Variants in ADAMTSL3 observed in about 807,000 individuals in gnomAD.
ADAMTSL3 encodes ADAMTS-like protein 3.
In ADAMTSL3, 128 loss-of-function variants were observed where a neutral mutation model predicts 201.7. The ratio of observed to expected loss-of-function variants is 0.63; its 90% CI spans 0.55 to 0.73. The LOEUF (loss-of-function observed/expected upper bound fraction) is 0.73. ADAMTSL3 is among the 30% of genes least tolerant of loss of function. The pLI is 0.00. For missense variants in ADAMTSL3, 1,990 were observed against 2,119.6 expected, an observed-to-expected ratio of 0.94 and a Z score of 1.20; for synonymous variants, 738 against 748.4, an observed-to-expected ratio of 0.99 and a Z score of 0.23.
chr15:83,703,749 G>T (rs1006621285), intron 2 of ADAMTSL3, among the ~76,000 whole-genome samples: 1 of 151,942 alleles, frequency 6.6e-6, no homozygotes, highest in Non-Finnish European at 1.5e-5. Flanking sequence ...AACGGACTGG[G>T]GTATGAGCTT....
chr15:83,792,276 G>A (rs185097967), intron 4 of ADAMTSL3, among the ~76,000 whole-genome samples: 1 of 152,154 alleles, frequency 6.6e-6, no homozygotes, highest in East Asian at 1.9e-4. Flanking sequence ...TAAGCCAAAA[G>A]ATATATGAAC....
chr15:84,031,529 C>A, intron 28 of ADAMTSL3, 97 bp downstream of exon 28: 3 of 1,077,316 alleles, frequency 2.8e-6, no homozygotes, highest in African/African-American at 1.6e-5. Flanking sequence ...TAGTTTCTAC[C>A]AACTCTCATA....
At chr15:83,788,155 T>G (rs1466485131) in intron 4 of ADAMTSL3, among the ~76,000 whole-genome samples, 1 of 152,192 alleles carries the variant, frequency 6.6e-6, no homozygotes, top group Non-Finnish European at 1.5e-5. Context: ...TATCACTAAT[T>G]CAGAAAAATG....
At chr15:84,035,707 C>G (rs1218622813) in intron 28 of ADAMTSL3, among the ~76,000 whole-genome samples, 1 of 152,156 alleles carries the variant, frequency 6.6e-6, no homozygotes, top group Admixed American at 6.5e-5. Flanking sequence ...TTTATGTGCC[C>G]TGATAAGGAA....
chr15:83,796,399 G>A (rs886607826), intron 4 of ADAMTSL3, among the ~76,000 whole-genome samples: 3 of 152,052 alleles, frequency 2.0e-5, no homozygotes, highest in Non-Finnish European at 4.4e-5. Flanking sequence ...TAAATAGAAA[G>A]CAAAATTTCA....
chr15:84,026,609 A>G (rs1355246643), intron 27 of ADAMTSL3, among the ~76,000 whole-genome samples: 1 of 152,192 alleles, frequency 6.6e-6, no homozygotes, highest in Admixed American at 6.5e-5. Context: ...ATATAGATCA[A>G]TGAAATTGAA....
intron 23 of ADAMTSL3, among the ~76,000 whole-genome samples, chr15:83,992,929 C>T (rs1054885341): frequency 1.3e-5 from 2 of 152,204 alleles, no homozygotes; most frequent in African/African-American, 4.8e-5. Context: ...TCTCCCCTTC[C>T]TCCCTCACCT....
chr15:83,920,827 G>A (rs1368474570), intron 16 of ADAMTSL3, among the ~76,000 whole-genome samples: 1 of 152,098 alleles, frequency 6.6e-6, no homozygotes. Context: ...GAAATCATCT[G>A]TTTAAAATGT....
chr15:83,937,424 C>G (rs997411972), intron 17 of ADAMTSL3, among the ~76,000 whole-genome samples: 7 of 150,680 alleles, frequency 4.6e-5, no homozygotes, highest in Non-Finnish European at 1.0e-4. Flanking sequence ...AACCAAATAC[C>G]ACGTGTCCTC....
chr15:83,826,449 T>C (rs1422986943), intron 6 of ADAMTSL3, among the ~76,000 whole-genome samples: 1 of 151,864 alleles, frequency 6.6e-6, no homozygotes, highest in Non-Finnish European at 1.5e-5. Context: ...TTTTTTTTTT[T>C]TTAATTTTTA....
rs375431727 is a variant in ADAMTSL3, at chr15:83,942,861, A to G, written c.2311-42A>G. On this transcript the variant is annotated intron_variant, in intron 18 of 29. Coordinates refer to ENST00000286744, the MANE Select transcript of ADAMTSL3 (RefSeq NM_207517.3). ...GAGGCCCTGCACTGCACTAACATAG[A>G]GTGGGCCAAGCCTGCCGCCTCACCC... 3 of 1,606,192 alleles carry G rather than the reference A, an allele frequency of 1.9e-6. No homozygotes were observed. In the African/African-American group the frequency reaches 4.0e-5, roughly 21 times the overall value.
At chr15:84,010,575 G>A (rs1200147285) in intron 23 of ADAMTSL3, among the ~76,000 whole-genome samples, 1 of 152,174 alleles carries the variant, frequency 6.6e-6, no homozygotes, top group African/African-American at 2.4e-5. Flanking sequence ...GATTAATGCA[G>A]TAATAATGCT....
intron 4 of ADAMTSL3, among the ~76,000 whole-genome samples, chr15:83,782,264 G>T (rs1013729316): frequency 6.6e-6 from 1 of 152,052 alleles, no homozygotes; most frequent in South Asian, 2.1e-4. Flanking sequence ...ATCACTTGAG[G>T]TCAGGAGTTC....
intron 8 of ADAMTSL3, among the ~76,000 whole-genome samples, chr15:83,859,926 G>T (rs537640497): frequency 6.6e-6 from 1 of 152,268 alleles, no homozygotes; most frequent in Admixed American, 6.5e-5. Flanking sequence ...TCTTTGAGAG[G>T]CTGTGGCAGG....
chr15:83,880,911 AT>A (rs57378637), intron 9 of ADAMTSL3, among the ~76,000 whole-genome samples: 1 of 150,792 alleles, frequency 6.6e-6, no homozygotes, highest in African/African-American at 2.4e-5. Flanking sequence ...TATAATATCT[AT>A]TTTTTTTCAC....
chr15:83,792,791 C>CA (rs71156100), intron 4 of ADAMTSL3, among the ~76,000 whole-genome samples: 9,010 of 122,294 alleles, frequency 0.074, 321 homozygotes, highest in East Asian at 0.18. Flanking sequence ...GACTCTGTCT[C>CA]AAAAAAAAAA....
At chr15:83,777,734 A>G (rs1464901191) in intron 4 of ADAMTSL3, among the ~76,000 whole-genome samples, 1 of 152,228 alleles carries the variant, frequency 6.6e-6, no homozygotes, top group Non-Finnish European at 1.5e-5. Context: ...ACAGATGACC[A>G]CCTTGCCTCT....
At chr15:83,703,694 T>A (rs1596056590) in intron 2 of ADAMTSL3, among the ~76,000 whole-genome samples, 1 of 152,144 alleles carries the variant, frequency 6.6e-6, no homozygotes, top group East Asian at 1.9e-4. Context: ...CAATTAAACC[T>A]CTTTTTCTTC....
At chr15:83,755,759 A>AT (rs993342178) in intron 3 of ADAMTSL3, among the ~76,000 whole-genome samples, 2,079 of 144,030 alleles carry the variant, frequency 0.014, 30 homozygotes, top group East Asian at 0.063. Flanking sequence ...CCTGCTTTCA[A>AT]TTTTTTTTTT....
Sources: gnomAD v4.1 joint callset for allele counts (sites outside exome capture counted in the v4.1 genomes callset) on GRCh38, gnomAD v4.1.1 for gene constraint, MANE v1.5 for transcripts, NCBI Gene and HGNC (gene_info 2026-07-23, HGNC 2026-07-21) for gene names.